The following MED28 variants were observed in gnomAD, a reference collection of about 807,000 sequenced individuals.
MED28 encodes the protein mediator complex subunit 28, also known as mediator of RNA polymerase II transcription subunit 28.
In MED28, 26 loss-of-function variants were observed where a neutral mutation model predicts 21.3. The ratio of observed to expected loss-of-function variants is 1.22; its 90% CI spans 0.89 to 1.69. The LOEUF (loss-of-function observed/expected upper bound fraction) is 1.69, where lower values mean the gene tolerates loss of function less well. Ranked by LOEUF, MED28 falls within the 40% of genes most tolerant of loss-of-function variation. The probability of loss-of-function intolerance (pLI) is 0.00; values close to 1 mark genes in which losing one functional copy is unlikely to be tolerated. For missense variants in MED28, 257 were observed against 215.4 expected, an observed-to-expected ratio of 1.19 and a Z score of -1.21; for synonymous variants, 110 against 87.6, an observed-to-expected ratio of 1.26 and a Z score of -1.43.
Position 17,632,785 on chromosome 4 carries a change from A to T in MED28, c.*8987A>T. 1 of 557,434 alleles carries T rather than the reference A, an allele frequency of 1.8e-6. No homozygotes were observed. Among genetic ancestry groups the T allele is most frequent in the Non-Finnish European group, 3.2e-6 (1 of 310,386 alleles). The allele number at this position is 557,434 out of a possible 1,614,324, so 34.5% of individuals were successfully genotyped here. A position where few individuals can be genotyped will look rare whatever the true frequency, so the allele number is the denominator to read the frequency against. ...AGTAGTGGGAAACAAATTGTAAAGG[A>T]TGGGGCTGGGGAGGGAGTACCTAAT... On this transcript the variant is annotated 3_prime_UTR_variant, in exon 4 of 4. Transcript: ENST00000237380.
rs1428333173 is a variant in MED28, at chr4:17,626,525, C to T, written c.*2727C>T. 2.6e-5 allele frequency: 4 copies of T among 152,182 alleles called. No individual in the cohort carries two copies. The highest frequency in any genetic ancestry group is 1.5e-5 in the Non-Finnish European group (1 of 68,034). 9.4% of individuals were successfully genotyped at this position (152,182 alleles called of 1,614,324 possible). Reference sequence around the variant, plus strand: ...GGTGTTCTTAAGAAGCCAAGGTTGTCTTGGGTGTGGTAGCTCTTTGAAAGG... The same window carrying T: ...GGTGTTCTTAAGAAGCCAAGGTTGTTTTGGGTGTGGTAGCTCTTTGAAAGG... On this transcript the variant is annotated 3_prime_UTR_variant, in exon 4 of 4. Transcript: ENST00000237380.
At chr4:17,618,043 A>C (rs1577230926) in intron 1 of MED28, among the ~76,000 whole-genome samples, 4 of 116,556 alleles carry the variant, frequency 3.4e-5, no homozygotes, top group Admixed American at 1.2e-4. Context: ...ACAGAGTCTC[A>C]CTCTGTCACC....
intron 1 of MED28, 66 bp downstream of exon 1, chr4:17,614,879 A>T: frequency 6.6e-7 from 1 of 1,508,158 alleles, no homozygotes. Flanking sequence ...AACTGCGCGT[A>T]CGCGTATCTC....
In MED28 at chr4:17,625,736, T is replaced by G; in HGVS notation, c.*1938T>G. ...TTCAGGGAGAAAATCACAAGCCATC[T>G]TCTCAAGTTCCCCTAGAAACCTGTG... On this transcript the variant is annotated 3_prime_UTR_variant, in exon 4 of 4. Coordinates refer to ENST00000237380, the MANE Select transcript of MED28 (RefSeq NM_025205.5). 1 of 433,266 alleles carries G rather than the reference T, an allele frequency of 2.3e-6. No homozygotes were observed. The highest frequency in any genetic ancestry group is 4.6e-6 in the Non-Finnish European group (1 of 219,404). The allele number at this position is 433,266 out of a possible 1,614,324, so 26.8% of individuals were successfully genotyped here. A position where few individuals can be genotyped will look rare whatever the true frequency, so the allele number is the denominator to read the frequency against.
chr4:17,616,154 A>G (rs1170924533), intron 1 of MED28, among the ~76,000 whole-genome samples: 3 of 152,114 alleles, frequency 2.0e-5, no homozygotes, highest in Non-Finnish European at 4.4e-5. Flanking sequence ...ACAGGGCTTC[A>G]CTATCTTGGC....
At chr4:17,615,541 G>A (rs1714423593) in intron 1 of MED28, among the ~76,000 whole-genome samples, 1 of 152,226 alleles carries the variant, frequency 6.6e-6, no homozygotes, top group Admixed American at 6.5e-5. Flanking sequence ...GCCGGGCGCG[G>A]TGGCTCACGC....
rs1211227303 is a variant in MED28 at position 17,628,935 on chromosome 4, G to A, written c.*5137G>A. Reference sequence around the variant, plus strand: ...GTACTGCACACAAGGACAGTAGAGTGTCTGTTCCCTGCAGAGGGATAGTGA... The same window carrying A: ...GTACTGCACACAAGGACAGTAGAGTATCTGTTCCCTGCAGAGGGATAGTGA... On this transcript the variant is annotated 3_prime_UTR_variant, in exon 4 of 4. Coordinates refer to ENST00000237380, the MANE Select transcript of MED28 (RefSeq NM_025205.5). 3 of 152,314 alleles carry A rather than the reference G, an allele frequency of 2.0e-5. No homozygotes were observed. Among genetic ancestry groups the A allele is most frequent in the Admixed American group, 1.3e-4 (2 of 15,276 alleles). The allele number at this position is 152,314 out of a possible 1,614,324, so 9.4% of individuals were successfully genotyped here.
At position 17,621,688 on chromosome 4, in the gene MED28, G is replaced by T; in HGVS notation, c.328G>T (p.Val110Phe). The change falls in exon 3 of 4, where the codon GTT becomes TTT. Residue 110 changes from valine to phenylalanine, a missense_variant. By Grantham distance (50) the Val-to-Phe change is conservative. Transcript: ENST00000237380. ...GTTATCTGTCCAGAAACCAGAGCAA[G>T]TTATCAAAGAGGTATGAACTCAGTT... ...LQLSVQKPEQVIKEDVSELRN... is the reference protein window; with the variant it reads ...LQLSVQKPEQFIKEDVSELRN... 1 of 1,607,752 alleles carries T rather than the reference G, an allele frequency of 6.2e-7. No homozygotes were observed. The highest frequency in any genetic ancestry group is 8.5e-7 in the Non-Finnish European group (1 of 1,177,542).
At position 17,631,878 on chromosome 4, in the gene MED28, G is replaced by A. The variant is rs1433679373; in HGVS notation, c.*8080G>A. 6.6e-6 allele frequency: 1 copy of A among 151,944 alleles called. No individual in the cohort carries two copies. The highest frequency in any genetic ancestry group is 1.9e-4 in the East Asian group (1 of 5,188). 9.4% of individuals were successfully genotyped at this position (151,944 alleles called of 1,614,324 possible). ...CCAGTGGAGTTGACTAGCATCCTAA[G>A]GACAAGTACAACCACTTTTGAAATA... On this transcript the variant is annotated 3_prime_UTR_variant, in exon 4 of 4. Transcript: ENST00000237380.
chr4:17,619,829 A>G, intron 1 of MED28, 72 bp from the exon 2 acceptor site: 2 of 1,396,780 alleles, frequency 1.4e-6, no homozygotes, highest in African/African-American at 2.9e-5. Flanking sequence ...AGGAGAAGTT[A>G]TTTCTTCCTC....
Position 17,624,869 on chromosome 4 carries a change from T to G in MED28, c.*1071T>G, listed in dbSNP as rs1714733980. ...TTTGTGGGCAGCCTCAGATTCCCTG[T>G]TGAGTTGCTGTTAAGAAATGGAGAT... On this transcript the variant is annotated 3_prime_UTR_variant, in exon 4 of 4. Coordinates refer to ENST00000237380, the MANE Select transcript of MED28 (RefSeq NM_025205.5). 6 of 152,168 alleles carry G rather than the reference T, an allele frequency of 3.9e-5. No individual in the cohort carries two copies. Among genetic ancestry groups the G allele is most frequent in the Admixed American group, 3.3e-4 (5 of 15,274 alleles). 9.4% of individuals were successfully genotyped at this position (152,168 alleles called of 1,614,324 possible).
At position 17,633,814 on chromosome 4, in the gene MED28, CAGAA is replaced by C. The variant is rs1715038163; in HGVS notation, c.*10019_*10022del. On this transcript the variant is annotated 3_prime_UTR_variant, in exon 4 of 4. Transcript: ENST00000237380. ...TAATCCTGGAACTCAGATCGCCACT[CAGAA>C]AGTTCTTTGCATAGGAGGCGAGGTT... 3 of 1,551,560 alleles carry C rather than the reference CAGAA, an allele frequency of 1.9e-6. No homozygotes were observed. The highest frequency in any genetic ancestry group is 2.6e-6 in the Non-Finnish European group (3 of 1,146,950).
chr4:17,621,450 C>G (rs1714627745), intron 2 of MED28, 137 bp from the exon 3 acceptor site: 1 of 558,458 alleles, frequency 1.8e-6, no homozygotes, highest in African/African-American at 2.0e-5. Flanking sequence ...GTTATGATTA[C>G]TGCTGTGGCC....
chr4:17,625,189 C>G lies in MED28; in HGVS notation c.*1391C>G, dbSNP rs939115302. The G allele has an allele frequency of 1.3e-5, 2 of 153,040 alleles. No homozygotes were observed. The highest frequency in any genetic ancestry group is 4.8e-5 in the African/African-American group (2 of 41,424). 9.5% of individuals were successfully genotyped at this position (153,040 alleles called of 1,614,324 possible). On this transcript the variant is annotated 3_prime_UTR_variant, in exon 4 of 4. Transcript: ENST00000237380. ...TCCCTGGTGGGTTAGTGCTTTGTAT[C>G]TGTCTCTCTGCCCCTCACTAATTCT...
Position 17,624,949 on chromosome 4 carries a change from C to T in MED28, c.*1151C>T, listed in dbSNP as rs1714736532. The stretch of plus-strand genomic sequence containing the variant: ...AGTTTTATATCTTATTAGATCACAT[C>T]CCTTTACCCAGAACAAATGCTTCAC... On this transcript the variant is annotated 3_prime_UTR_variant, in exon 4 of 4. Coordinates refer to ENST00000237380, the MANE Select transcript of MED28 (RefSeq NM_025205.5). 6.6e-6 allele frequency: 1 copy of T among 152,104 alleles called. No homozygotes were observed. The highest frequency in any genetic ancestry group is 1.5e-5 in the Non-Finnish European group (1 of 68,034). The allele number at this position is 152,104 out of a possible 1,614,324, so 9.4% of individuals were successfully genotyped here.
chr4:17,621,783 C>A, intron 3 of MED28, 84 bp downstream of exon 3: 1 of 905,136 alleles, frequency 1.1e-6, no homozygotes, highest in South Asian at 1.6e-5. Flanking sequence ...GAGATGTAAC[C>A]GTTTCCTGCG....
chr4:17,621,547 G>T, intron 2 of MED28, 40 bp from the exon 3 acceptor site: 1 of 1,377,708 alleles, frequency 7.3e-7, no homozygotes, highest in East Asian at 2.4e-5. Flanking sequence ...TGAGTCTGTT[G>T]TTTTTCTTAT....
At position 17,623,962 on chromosome 4, in the gene MED28, T is replaced by A; in HGVS notation, c.*164T>A. ...ATTTTCCACTATTTTTATAAGCTGT[T>A]AATTTCTTGAGTACTTTATAACATG... On this transcript the variant is annotated 3_prime_UTR_variant, in exon 4 of 4. Transcript: ENST00000237380. The A allele has an allele frequency of 1.4e-6, 1 of 716,858 alleles. No homozygotes were observed. The highest frequency in any genetic ancestry group is 2.3e-6 in the Non-Finnish European group (1 of 430,994). The allele number at this position is 716,858 out of a possible 1,614,324, so 44.4% of individuals were successfully genotyped here.
chr4:17,624,539 T>A lies in MED28; in HGVS notation c.*741T>A, dbSNP rs1714723060. The A allele has an allele frequency of 9.0e-6, 1 of 110,548 alleles. No homozygotes were observed. The highest frequency in any genetic ancestry group is 3.0e-4 in the South Asian group (1 of 3,340). 6.8% of individuals were successfully genotyped at this position (110,548 alleles called of 1,614,324 possible). ...TTACATTCTGCAGTAATGAATCTGT[T>A]TAATGGGTCAGTCACTGTTTTCAGT... On this transcript the variant is annotated 3_prime_UTR_variant, in exon 4 of 4. Transcript: ENST00000237380.
Sources: allele counts gnomAD v4.1 joint callset (sites outside exome capture counted in the v4.1 genomes callset), GRCh38; gene constraint gnomAD v4.1.1; transcripts MANE v1.5; gene names NCBI Gene and HGNC (gene_info 2026-07-23, HGNC 2026-07-21).